SULF2: variants seen among roughly 807,000 people sequenced by gnomAD.
SULF2 encodes extracellular sulfatase Sulf-2.
Under a neutral mutation model 107.7 loss-of-function variants are expected in SULF2, and 52 were observed. That is an observed-to-expected ratio of 0.48 (90% CI 0.39 to 0.61). The LOEUF is 0.61. Ranked by LOEUF, SULF2 falls within the 20% of genes least tolerant of loss-of-function variation. SULF2 has a pLI of 0.00. For missense variants in SULF2, 993 were observed against 1,177.3 expected (o/e 0.84, Z 2.29); for synonymous variants, 460 against 464.3 (o/e 0.99, Z 0.12).
chr20:47,707,231 C>T (rs2088774221), intron 3 of SULF2, among the ~76,000 whole-genome samples: 1 of 152,160 alleles, frequency 6.6e-6, no homozygotes, highest in African/African-American at 2.4e-5. Flanking sequence ...TCAGGTGATC[C>T]ACCCATCTCA....
chr20:47,731,384 G>A (rs546992750), intron 3 of SULF2, among the ~76,000 whole-genome samples: 7 of 151,700 alleles, frequency 4.6e-5, no homozygotes, highest in Non-Finnish European at 1.0e-4. Context: ...GTAGAGACGG[G>A]GTTTCACCAT....
At chr20:47,705,773 G>A (rs957744687) in intron 3 of SULF2, among the ~76,000 whole-genome samples, 2 of 150,968 alleles carry the variant, frequency 1.3e-5, no homozygotes, top group African/African-American at 2.4e-5. Context: ...TGTCAGCAGC[G>A]CCTAATCCAA....
chr20:47,665,825 G>A (rs571466868), intron 13 of SULF2, 32 bp downstream of exon 13: 34 of 1,594,410 alleles, frequency 2.1e-5, no homozygotes, highest in East Asian at 8.9e-5. Context: ...CGTGGTGGCC[G>A]AGAGCATGCT....
chr20:47,740,684 A>C (rs2089857134), intron 2 of SULF2, among the ~76,000 whole-genome samples: 1 of 152,224 alleles, frequency 6.6e-6, no homozygotes, highest in South Asian at 2.1e-4. Flanking sequence ...ATTTTTAAAA[A>C]GTAAATAATC....
intron 1 of SULF2, among the ~76,000 whole-genome samples, chr20:47,780,296 C>T (rs1410079308): frequency 6.6e-6 from 1 of 152,088 alleles, no homozygotes; most frequent in Non-Finnish European, 1.5e-5. Context: ...AGATTTCAGG[C>T]GTGAGCCACC....
At chr20:47,733,731 C>A (rs766431970) in intron 3 of SULF2, among the ~76,000 whole-genome samples, 4 of 152,312 alleles carry the variant, frequency 2.6e-5, no homozygotes, top group Non-Finnish European at 4.4e-5. Flanking sequence ...TGAGACTGTG[C>A]CACTGCACTC....
In SULF2 at chr20:47,785,479, G is replaced by A. The variant is rs1453029701; in HGVS notation, c.-237C>T. On this transcript the variant is annotated 5_prime_UTR_variant, in exon 1 of 21. Transcript: ENST00000688720. The stretch of plus-strand genomic sequence containing the variant: ...CGCCGCCGCCGCCGCCGCTGCCGCT[G>A]CTGCATCCCCCGGCGAGCGCTGCTG... 4 of 158,210 alleles carry A rather than the reference G, an allele frequency of 2.5e-5. No individual in the cohort carries two copies. The highest frequency in any genetic ancestry group is 5.2e-5 in the Non-Finnish European group (4 of 76,328). 9.8% of individuals were successfully genotyped at this position (158,210 alleles called of 1,614,324 possible).
At chr20:47,780,768 G>A (rs1026922699) in intron 1 of SULF2, among the ~76,000 whole-genome samples, 3 of 152,094 alleles carry the variant, frequency 2.0e-5, no homozygotes, top group Non-Finnish European at 4.4e-5. Context: ...TGGCCAGGCT[G>A]GTCTCAAACT....
intron 1 of SULF2, among the ~76,000 whole-genome samples, chr20:47,769,997 G>A (rs1363540489): frequency 6.6e-6 from 1 of 151,810 alleles, no homozygotes; most frequent in African/African-American, 2.4e-5. Flanking sequence ...TGGCGGCACG[G>A]AGCTGAGTGA....
At chr20:47,662,647 G>A (rs1027526523) in intron 17 of SULF2, among the ~76,000 whole-genome samples, 1 of 152,182 alleles carries the variant, frequency 6.6e-6, no homozygotes, top group Admixed American at 6.5e-5. Context: ...GTGTTTAGAT[G>A]GCTTACTGTA....
At chr20:47,749,165 C>G (rs1028213182) in intron 2 of SULF2, among the ~76,000 whole-genome samples, 1 of 152,154 alleles carries the variant, frequency 6.6e-6, no homozygotes, top group African/African-American at 2.4e-5. Flanking sequence ...AACAGAAAGG[C>G]AGAGAAGGAG....
chr20:47,725,181 C>A (rs1040266811), intron 3 of SULF2, among the ~76,000 whole-genome samples: 4 of 152,172 alleles, frequency 2.6e-5, no homozygotes, highest in African/African-American at 9.7e-5. Flanking sequence ...GTAGCACTGT[C>A]ATCGGGGATG....
chr20:47,707,460 G>A (rs1293349150), intron 3 of SULF2, among the ~76,000 whole-genome samples: 1 of 152,148 alleles, frequency 6.6e-6, no homozygotes, highest in Non-Finnish European at 1.5e-5. Flanking sequence ...TCACTGGGAG[G>A]TTGCCTCGAG....
intron 2 of SULF2, among the ~76,000 whole-genome samples, chr20:47,741,963 C>T (rs2089893586): frequency 1.3e-5 from 2 of 152,214 alleles, no homozygotes; most frequent in South Asian, 4.1e-4. Flanking sequence ...TCTCCTTCCT[C>T]CTCATTCCAG....
At chr20:47,688,741 T>A (rs4810653) in intron 5 of SULF2, among the ~76,000 whole-genome samples, 1 of 151,888 alleles carries the variant, frequency 6.6e-6, no homozygotes, top group African/African-American at 2.4e-5. Context: ...CATCGTCTTC[T>A]GTCAAAGCCT....
chr20:47,702,149 C>G (rs1023480010), intron 4 of SULF2, among the ~76,000 whole-genome samples: 1 of 152,174 alleles, frequency 6.6e-6, no homozygotes, highest in Non-Finnish European at 1.5e-5. Flanking sequence ...CCTCAAACTC[C>G]CGGGCTTAAG....
chr20:47,745,011 T>G (rs2089974388), intron 2 of SULF2, among the ~76,000 whole-genome samples: 1 of 152,154 alleles, frequency 6.6e-6, no homozygotes, highest in Non-Finnish European at 1.5e-5. Flanking sequence ...AGGTCCTTTT[T>G]CATCTGTAGA....
At chr20:47,670,004 C>T (rs1488123230) in intron 11 of SULF2, among the ~76,000 whole-genome samples, 4 of 152,066 alleles carry the variant, frequency 2.6e-5, no homozygotes, top group South Asian at 2.1e-4. Flanking sequence ...GGAAATGTAA[C>T]GGAGGGTCAT....
At chr20:47,702,842 T>C (rs1213717526) in intron 3 of SULF2, among the ~76,000 whole-genome samples, 172 bp from the exon 4 acceptor site, 1 of 152,226 alleles carries the variant, frequency 6.6e-6, no homozygotes, top group Non-Finnish European at 1.5e-5. Flanking sequence ...ATACAAGATA[T>C]AGGATTACAG....
Sources: allele counts gnomAD v4.1 joint callset (sites outside exome capture counted in the v4.1 genomes callset), GRCh38; gene constraint gnomAD v4.1.1; transcripts MANE v1.5; gene names NCBI Gene and HGNC (gene_info 2026-07-23, HGNC 2026-07-21).